The following PKIB variants were observed in gnomAD, a reference collection of about 807,000 sequenced individuals.
PKIB encodes PKI-beta.
In PKIB, 2 loss-of-function variants were observed where a neutral mutation model predicts 4.5. That is an observed-to-expected ratio of 0.44 (90% confidence interval 0.18 to 1.39). The LOEUF is 1.39. Among genes scored for constraint, PKIB ranks in the 40% most tolerant of loss-of-function variants. The pLI is 0.27. For synonymous variants in PKIB, 38 were observed against 36.0 expected, an observed-to-expected ratio of 1.06 and a Z score of -0.20; for missense variants, 94 against 92.6, an observed-to-expected ratio of 1.02 and a Z score of -0.06.
intron 1 of PKIB, among the ~76,000 whole-genome samples, chr6:122,476,179 T>G (rs1416236743): frequency 2.0e-5 from 3 of 152,184 alleles, no homozygotes; most frequent in Non-Finnish European, 2.9e-5. Context: ...TGTGCATAGT[T>G]TGTTATATAA....
intron 2 of PKIB, among the ~76,000 whole-genome samples, chr6:122,514,429 G>A (rs1213243718): frequency 1.3e-5 from 2 of 152,148 alleles, no homozygotes; most frequent in Admixed American, 1.3e-4. Flanking sequence ...AAGTCATACT[G>A]ATAAAGTTTA....
rs767906701 is a variant in PKIB, at chr6:122,691,803, T to A, written c.-9+16659T>A. Among the ~76,000 whole-genome samples, 33 of 152,106 alleles carry A rather than the reference T, an allele frequency of 2.2e-4. 1 individual carries two copies. Among genetic ancestry groups the A allele is most frequent in the Non-Finnish European group, 1.5e-5 (1 of 68,012 alleles). On this transcript the variant is annotated intron_variant, in intron 3 of 4. Coordinates refer to ENST00000368452, the MANE Select transcript of PKIB (RefSeq NM_181795.3). ...AAGAGTTAGGTATTTACTGTAGTCG[T>A]CTCAGTCTGGGCTTGTTTTTACTTA...
chr6:122,693,310 G>T (rs1190488422), intron 3 of PKIB, among the ~76,000 whole-genome samples: 1 of 152,048 alleles, frequency 6.6e-6, no homozygotes, highest in Non-Finnish European at 1.5e-5. Context: ...ACTCCCCACC[G>T]CCCCCTGCTA....
chr6:122,518,000 G>C (rs1157404443), intron 2 of PKIB, among the ~76,000 whole-genome samples: 1 of 152,126 alleles, frequency 6.6e-6, no homozygotes, highest in African/African-American at 2.4e-5. Context: ...GCCTCAAAGA[G>C]CATGTTCATG....
At chr6:122,502,698 C>A (rs573468205) in intron 2 of PKIB, among the ~76,000 whole-genome samples, 1 of 152,134 alleles carries the variant, frequency 6.6e-6, no homozygotes, top group Non-Finnish European at 1.5e-5. Flanking sequence ...GGACAAAGAG[C>A]TAAACCACAT....
chr6:122,665,906 T>C (rs1184788087), intron 2 of PKIB, among the ~76,000 whole-genome samples: 1 of 152,228 alleles, frequency 6.6e-6, no homozygotes, highest in East Asian at 1.9e-4. Flanking sequence ...GTATAAAGAA[T>C]AGTCATAATA....
chr6:122,485,154 C>T (rs936556919), intron 2 of PKIB, among the ~76,000 whole-genome samples: 10 of 151,808 alleles, frequency 6.6e-5, no homozygotes, highest in African/African-American at 2.2e-4. Context: ...GTGCCTTGCT[C>T]AATTAAACTC....
At chr6:122,536,026 A>G (rs1582682764) in intron 2 of PKIB, among the ~76,000 whole-genome samples, 1 of 152,054 alleles carries the variant, frequency 6.6e-6, no homozygotes, top group Non-Finnish European at 1.5e-5. Flanking sequence ...TGCAGCCTCC[A>G]CCTCCAGGAT....
intron 2 of PKIB, among the ~76,000 whole-genome samples, chr6:122,537,304 C>T (rs1777436875): frequency 6.6e-6 from 1 of 152,094 alleles, no homozygotes; most frequent in African/African-American, 2.4e-5. Flanking sequence ...TCTCCTAATG[C>T]TATCCCTCCC....
chr6:122,474,400 C>A (rs1428305771), intron 1 of PKIB, among the ~76,000 whole-genome samples: 2 of 152,052 alleles, frequency 1.3e-5, no homozygotes, highest in African/African-American at 4.8e-5. Context: ...ATCTTTTTTT[C>A]TTATGAAATG....
intron 1 of PKIB, among the ~76,000 whole-genome samples, chr6:122,632,243 T>C (rs988230571): frequency 5.3e-5 from 8 of 152,188 alleles, no homozygotes; most frequent in African/African-American, 1.9e-4. Flanking sequence ...ACGTTGATCC[T>C]TGAATGCATA....
chr6:122,484,114 A>G (rs930252137), intron 2 of PKIB: 4 of 151,126 alleles, frequency 2.6e-5, no homozygotes, highest in Non-Finnish European at 5.9e-5. Context: ...GAATGAATTA[A>G]TGAATTTGGT....
intron 3 of PKIB, among the ~76,000 whole-genome samples, chr6:122,592,643 A>T (rs192297270): frequency 3.3e-5 from 5 of 152,312 alleles, no homozygotes; most frequent in Admixed American, 2.6e-4. Flanking sequence ...AAAAACGTAA[A>T]CACTAAGATT....
intron 2 of PKIB, among the ~76,000 whole-genome samples, chr6:122,567,736 A>T (rs1443567406): frequency 6.6e-6 from 1 of 152,246 alleles, no homozygotes; most frequent in South Asian, 2.1e-4. Flanking sequence ...AATGAGATAC[A>T]TGCAAAAATT....
At chr6:122,650,517 C>T (rs1273957427) in intron 2 of PKIB, among the ~76,000 whole-genome samples, 1 of 152,192 alleles carries the variant, frequency 6.6e-6, no homozygotes, top group South Asian at 2.1e-4. Flanking sequence ...TTCCAAAGGT[C>T]TCCACAAGTT....
intron 2 of PKIB, among the ~76,000 whole-genome samples, chr6:122,578,563 T>A (rs1484288292): frequency 1.3e-5 from 2 of 152,162 alleles, no homozygotes; most frequent in African/African-American, 4.8e-5. Context: ...GTTGTGCAGG[T>A]TCTCTTTGTC....
Position 122,717,911 on chromosome 6 carries a change from A to C in PKIB, c.117A>C (p.Thr39=). 6.2e-7 allele frequency: 1 copy of C among 1,614,128 alleles called. No individual in the cohort carries two copies. Among genetic ancestry groups the C allele is most frequent in the Non-Finnish European group, 8.5e-7 (1 of 1,179,970 alleles). The part of the protein sequence containing the change: ...ALPDIQSSAA[T]DGTSDLPLKL... ...CAGACATCCAGAGTTCAGCTGCCAC[A>C]GACGGAACCTCAGATTTGCCCCTCA... The change falls in exon 4 of 5, where the codon ACA becomes ACC. Residue 39 remains threonine (T), a synonymous_variant. Coordinates refer to ENST00000368452, the MANE Select transcript of PKIB (RefSeq NM_181795.3).
rs1207172899 is a variant in PKIB at position 122,693,019 on chromosome 6, A to G, written c.-9+17875A>G. Among the ~76,000 whole-genome samples the G allele has an allele frequency of 3.3e-5, 5 of 152,386 alleles. No individual in the cohort carries two copies. In the South Asian group the frequency reaches 8.3e-4, roughly 25 times the overall value. On this transcript the variant is annotated intron_variant, in intron 3 of 4. Coordinates refer to ENST00000368452, the MANE Select transcript of PKIB (RefSeq NM_181795.3). ...ACGTTCCATAGAGGATTTGCTGAGG[A>G]TAAAGGACTTGCATTTACATGCAAG...
intron 3 of PKIB, among the ~76,000 whole-genome samples, chr6:122,710,175 A>G (rs1171395777): frequency 6.6e-6 from 1 of 152,134 alleles, no homozygotes; most frequent in Non-Finnish European, 1.5e-5. Flanking sequence ...ATATGAAGCC[A>G]TTTCTATTGT....
Sources: allele counts gnomAD v4.1 joint callset (sites outside exome capture counted in the v4.1 genomes callset), GRCh38; gene constraint gnomAD v4.1.1; transcripts MANE v1.5; gene names NCBI Gene and HGNC (gene_info 2026-07-23, HGNC 2026-07-21).